The following SLC5A11 variants were observed in gnomAD, a reference collection of about 807,000 sequenced individuals.
SLC5A11 encodes the protein solute carrier family 5 member 11, also known as sodium/myo-inositol cotransporter 2.
Under a neutral mutation model 69.8 loss-of-function variants are expected in SLC5A11, and 48 were observed. The ratio of observed to expected loss-of-function variants is 0.69; its 90% confidence interval spans 0.55 to 0.87. The LOEUF is 0.87. Ranked by LOEUF, SLC5A11 falls within the 40% of genes least tolerant of loss-of-function variation. The pLI is 0.00. For synonymous variants in SLC5A11, 319 were observed against 342.4 expected (o/e 0.93, Z 0.75); for missense variants, 784 against 866.1 (o/e 0.91, Z 1.19).
chr16:24,870,643 G>A (rs915194151), intron 4 of SLC5A11, among the ~76,000 whole-genome samples: 1 of 151,848 alleles, frequency 6.6e-6, no homozygotes, highest in African/African-American at 2.4e-5. Context: ...AGCCAGGCTT[G>A]GTGGTGCATG....
chr16:24,869,560 A>G (rs1432477324), intron 3 of SLC5A11, among the ~76,000 whole-genome samples: 1 of 152,086 alleles, frequency 6.6e-6, no homozygotes. Context: ...TTTCTACATT[A>G]CCTGTCACCT....
chr16:24,899,652 T>G (rs987462085), intron 10 of SLC5A11, among the ~76,000 whole-genome samples: 9 of 152,162 alleles, frequency 5.9e-5, no homozygotes, highest in African/African-American at 2.2e-4. Context: ...TCCTCCCACC[T>G]TGGCCTCCCA....
At chr16:24,903,392 A>G (rs992596140) in intron 10 of SLC5A11, among the ~76,000 whole-genome samples, 4 of 152,182 alleles carry the variant, frequency 2.6e-5, no homozygotes, top group African/African-American at 9.7e-5. Context: ...GAAAATGTAC[A>G]ATAAATTGTT....
intron 6 of SLC5A11, 83 bp downstream of exon 7, chr16:24,875,814 C>T (rs2047635557): frequency 1.1e-5 from 12 of 1,093,114 alleles, no homozygotes; most frequent in South Asian, 2.7e-5. Flanking sequence ...AGTGTCTCCT[C>T]GCTATCCCCT....
rs141795101 is a variant in SLC5A11, at chr16:24,870,507, C to T, written c.312+502C>T. On this transcript the variant is annotated intron_variant, in intron 4 of 15. Coordinates refer to ENST00000347898, the Ensembl canonical transcript of SLC5A11. ...AAAAAAAACAATAGTGGGTTGGGCG[C>T]GATGGCTCAGGCCTGTAATCCCAGC... Among the ~76,000 whole-genome samples, 17 of 150,762 alleles carry T rather than the reference C, an allele frequency of 1.1e-4. No homozygotes were observed. In the East Asian group the frequency reaches 3.3e-3, roughly 30 times the overall value.
chr16:24,908,607 A>AC (rs1376032852), intron 13 of SLC5A11, among the ~76,000 whole-genome samples: 1 of 151,670 alleles, frequency 6.6e-6, no homozygotes. Flanking sequence ...AAAAAAAAAA[A>AC]AAAAAAAAAG....
chr16:24,851,755 A>G (rs929272226), intron 1 of SLC5A11, among the ~76,000 whole-genome samples: 2 of 152,202 alleles, frequency 1.3e-5, no homozygotes, highest in Non-Finnish European at 2.9e-5. Context: ...CTCATTTCGT[A>G]GATGGGAAAT....
At chr16:24,907,081 T>A in exon 12 of SLC5A11, 6 of 1,614,052 alleles carry the variant, frequency 3.7e-6, no homozygotes, top group Non-Finnish European at 2.5e-6. Context: ...CTCCCTCACC[T>A]CCATCTTTAA....
chr16:24,864,753 T>C (rs967799511), intron 3 of SLC5A11, among the ~76,000 whole-genome samples: 7 of 152,104 alleles, frequency 4.6e-5, no homozygotes, highest in Non-Finnish European at 8.8e-5. Context: ...TCTTGAAGAC[T>C]AAAGAAAAGT....
At chr16:24,891,117 TCTTTC>T (rs1258780149) in intron 9 of SLC5A11, 43 bp downstream of exon 10, 18 of 1,591,502 alleles carry the variant, frequency 1.1e-5, no homozygotes, top group Non-Finnish European at 1.5e-5. Context: ...TCTCTTTGCT[TCTTTC>T]CTTAGGGTGG....
chr16:24,888,783 C>CT (rs1169015317), intron 8 of SLC5A11, among the ~76,000 whole-genome samples: 554 of 45,728 alleles, frequency 0.012, 154 homozygotes, highest in African/African-American at 0.029. Context: ...CGTGCCTGTC[C>CT]TTTTTTTTTT....
rs184340881 is a variant in SLC5A11, at chr16:24,866,911, A to G, written c.208-2990A>G. On this transcript the variant is annotated intron_variant, in intron 3 of 15. Transcript: ENST00000347898. ...AAAAACTGACAGAATGAAGGGAGAA[A>G]TAGACAATTCAAACACTAATAATTG... 1.2e-3 allele frequency among the ~76,000 whole-genome samples: 189 copies of G among 152,312 alleles called. 1 individual carries two copies. Among genetic ancestry groups the G allele is most frequent in the Non-Finnish European group, 2.4e-3 (164 of 68,020 alleles).
chr16:24,854,975 T>G (rs74015722), intron 1 of SLC5A11, among the ~76,000 whole-genome samples: 382 of 146,160 alleles, frequency 2.6e-3, no homozygotes, highest in Non-Finnish European at 3.4e-3. Context: ...GTGTGTGTGT[T>G]TGTTTGTTTG....
chr16:24,891,570 C>T (rs1052644208), intron 9 of SLC5A11, among the ~76,000 whole-genome samples: 1 of 151,996 alleles, frequency 6.6e-6, no homozygotes, highest in Admixed American at 6.6e-5. Flanking sequence ...GTGATCCTCC[C>T]GCCTCAGCCT....
chr16:24,875,922 C>T (rs1045891278), intron 6 of SLC5A11, among the ~76,000 whole-genome samples, 191 bp downstream of exon 7: 6 of 152,036 alleles, frequency 3.9e-5, no homozygotes, highest in Admixed American at 2.0e-4. Flanking sequence ...TGGTTGGGTG[C>T]AGTGGCTCAC....
chr16:24,890,140 C>T (rs543905030), intron 8 of SLC5A11, among the ~76,000 whole-genome samples: 1 of 152,164 alleles, frequency 6.6e-6, no homozygotes, highest in African/African-American at 2.4e-5. Context: ...TTCTATACCG[C>T]ACTTCTTAAG....
chr16:24,855,948 T>C (rs1005741195), intron 1 of SLC5A11, among the ~76,000 whole-genome samples: 18 of 152,188 alleles, frequency 1.2e-4, no homozygotes, highest in African/African-American at 4.3e-4. Flanking sequence ...CAAGCCGGAG[T>C]CACTACCTCC....
chr16:24,868,416 C>T (rs1347057023), intron 3 of SLC5A11, among the ~76,000 whole-genome samples: 1 of 150,106 alleles, frequency 6.7e-6, no homozygotes, highest in Non-Finnish European at 1.5e-5. Flanking sequence ...CGGTGAAACC[C>T]CGTCTCTACT....
At chr16:24,891,628 A>G (rs2048817068) in intron 9 of SLC5A11, among the ~76,000 whole-genome samples, 1 of 152,074 alleles carries the variant, frequency 6.6e-6, no homozygotes, top group Middle Eastern at 3.2e-3. Flanking sequence ...CTGGCCTAAT[A>G]CACTTTGCTT....
Sources: gnomAD v4.1 joint callset for allele counts (sites outside exome capture counted in the v4.1 genomes callset) on GRCh38, gnomAD v4.1.1 for gene constraint, MANE v1.5 for transcripts, NCBI Gene and HGNC (gene_info 2026-07-23, HGNC 2026-07-21) for gene names.